HUWE1: variants seen among roughly 807,000 people sequenced by gnomAD.
HUWE1 encodes HECT, UBA and WWE domain containing E3 ubiquitin protein ligase 1.
Under a neutral mutation model 299.4 loss-of-function variants are expected in HUWE1, and 18 were observed. The ratio of observed to expected loss-of-function variants is 0.06; its 90% CI spans 0.04 to 0.09. The LOEUF is 0.09. HUWE1 is among the 10% of genes least tolerant of loss of function. The pLI is 1.00. For synonymous variants in HUWE1, 1,317 were observed against 1,286.1 expected (o/e 1.02, Z -0.51); for missense variants, 1,832 against 3,462.3 (o/e 0.53, Z 11.82).
chrX:53,573,707 G>A, intron 47 of HUWE1, 43 bp downstream of exon 47: 1 of 1,058,483 alleles, frequency 9.4e-7, no homozygotes, highest in Non-Finnish European at 1.3e-6. Flanking sequence ...CCCAAATGAT[G>A]GAAGTACAGT....
intron 83 of HUWE1, 65 bp downstream of exon 83, chrX:53,533,942 T>C: frequency 9.3e-7 from 1 of 1,072,619 alleles, no homozygotes; most frequent in Non-Finnish European, 1.3e-6. Flanking sequence ...GGTAGGGTCC[T>C]GAAAACATCA....
At chrX:53,585,819 T>A (rs1004218404) in intron 39 of HUWE1, among the ~76,000 whole-genome samples, 4 of 111,464 alleles carry the variant, frequency 3.6e-5, no homozygotes, top group Non-Finnish European at 7.5e-5. Flanking sequence ...CCTGAGTAGC[T>A]GGGACCATAG....
intron 46 of HUWE1, among the ~76,000 whole-genome samples, 177 bp downstream of exon 46, chrX:53,574,978 T>C (rs1556957002): frequency 8.9e-6 from 1 of 112,687 alleles, no homozygotes; most frequent in Non-Finnish European, 1.9e-5. Context: ...CCATTAACTT[T>C]AGCATATAGA....
chrX:53,612,694 AAACC>A (rs1233977190), intron 23 of HUWE1, among the ~76,000 whole-genome samples: 2 of 111,766 alleles, frequency 1.8e-5, no homozygotes, highest in Non-Finnish European at 3.8e-5. Context: ...TGGAGGTAAA[AAACC>A]AACCAACCAA....
At chrX:53,590,173 T>C (rs1007974408) in intron 35 of HUWE1, among the ~76,000 whole-genome samples, 1 of 112,222 alleles carries the variant, frequency 8.9e-6, no homozygotes, top group African/African-American at 3.2e-5. Flanking sequence ...TGAGTACACA[T>C]TGGGTCTCTT....
chrX:53,661,313 C>T (rs1167229406), intron 3 of HUWE1, among the ~76,000 whole-genome samples: 2 of 112,181 alleles, frequency 1.8e-5, no homozygotes, highest in East Asian at 2.8e-4. Flanking sequence ...GGATTACAGG[C>T]GTGAGCCACG....
intron 42 of HUWE1, 45 bp downstream of exon 42, chrX:53,583,513 G>A: frequency 3.3e-6 from 3 of 903,924 alleles, no homozygotes; most frequent in Non-Finnish European, 3.3e-6. Flanking sequence ...GAGAACATAG[G>A]TATGATGTAA....
In HUWE1 at chrX:53,645,253, T is replaced by C; in HGVS notation, c.504+58A>G. The C allele has an allele frequency of 2.6e-6, 3 of 1,148,035 alleles. No homozygotes were observed. In the South Asian group the frequency reaches 5.4e-5, roughly 21 times the overall value. 94.6% of individuals were successfully genotyped at this position (1,148,035 alleles called of 1,213,427 possible). On this transcript the variant is annotated intron_variant, in intron 7 of 83. Coordinates refer to ENST00000262854, the MANE Select transcript of HUWE1 (RefSeq NM_031407.7). ...TTTTAACACTCCAAGAAACACCTGT[T>C]GAAAGGAACCATATGCTCCAATTTT...
chrX:53,555,231 T>C (rs1288714296), intron 60 of HUWE1, among the ~76,000 whole-genome samples: 6 of 112,198 alleles, frequency 5.3e-5, no homozygotes, highest in Non-Finnish European at 1.1e-4. Flanking sequence ...TAAATGTCTC[T>C]GACCTATAGG....
At chrX:53,548,458 T>C (rs1556925361) in intron 67 of HUWE1, among the ~76,000 whole-genome samples, 185 bp from the exon 68 acceptor site, 1 of 112,750 alleles carries the variant, frequency 8.9e-6, no homozygotes, top group Non-Finnish European at 1.9e-5. Flanking sequence ...AATGAGGGCT[T>C]TGTAGCAATA....
intron 25 of HUWE1, 60 bp downstream of exon 25, chrX:53,607,463 G>C (rs966474429): frequency 1.5e-5 from 16 of 1,061,442 alleles, no homozygotes; most frequent in Non-Finnish European, 2.1e-5. Context: ...CATATATACA[G>C]AAGTATCGCA....
chrX:53,564,753 CAA>C (rs1556944049), intron 50 of HUWE1, 31 bp from the exon 51 acceptor site: 19 of 1,209,343 alleles, frequency 1.6e-5, no homozygotes, highest in Non-Finnish European at 2.1e-5. Flanking sequence ...GCAAAATAAT[CAA>C]AGAGTGCCTA....
chrX:53,683,533 C>A (rs2070299699), intron 2 of HUWE1, among the ~76,000 whole-genome samples: 1 of 111,367 alleles, frequency 9.0e-6, no homozygotes, highest in African/African-American at 3.3e-5. Context: ...CCAGACTCCC[C>A]TCCCACCCTT....
intron 77 of HUWE1, 147 bp from the exon 78 acceptor site, chrX:53,537,843 T>C: frequency 1.6e-6 from 1 of 609,209 alleles, no homozygotes; most frequent in Non-Finnish European, 2.5e-6. Flanking sequence ...AAATGCCCAG[T>C]AGTTGGGAGA....
At chrX:53,600,920 C>T (rs1219459227) in intron 28 of HUWE1, among the ~76,000 whole-genome samples, 1 of 111,428 alleles carries the variant, frequency 9.0e-6, no homozygotes, top group African/African-American at 3.3e-5. Context: ...GTTAGAGAGG[C>T]AATTCTTTGA....
At position 53,536,791 on chromosome X, in the gene HUWE1, CAG is replaced by C. The variant is rs1202301871; in HGVS notation, c.12138-126_12138-125del. The C allele has an allele frequency of 4.1e-5, 25 of 608,560 alleles. No individual in the cohort carries two copies. In the Admixed American group the frequency reaches 4.6e-4, roughly 11 times the overall value. The allele number at this position is 608,560 out of a possible 1,213,427, so 50.2% of individuals were successfully genotyped here. On this transcript the variant is annotated intron_variant, in intron 78 of 83. Transcript: ENST00000262854. Reference sequence around the variant, plus strand: ...GTGCAGTGTCAGATGAAGAGGTAAACAGAGAGTGCCAGGACAGCCCAGAAATG... The same window carrying C: ...GTGCAGTGTCAGATGAAGAGGTAAACAGAGTGCCAGGACAGCCCAGAAATG...
In HUWE1 at chrX:53,538,368, T is replaced by C. The variant is rs1556915034; in HGVS notation, c.11965A>G (p.Ile3989Val). ...TTGACATCAAAGTCGAGGACACGAA[T>C]GTAGTCTACCAGGACAGCAAAAGGC... ...DGPFAVLVDY[I>V]RVLDFDVKRK... Residue 3989 changes from isoleucine to valine, a missense_variant, in exon 77 of 84, where the codon ATT (isoleucine) becomes GTT (valine). By Grantham distance (29) the Ile-to-Val change is conservative. Coordinates refer to ENST00000262854, the MANE Select transcript of HUWE1 (RefSeq NM_031407.7). The C allele has an allele frequency of 8.3e-7, 1 of 1,207,124 alleles. No individual in the cohort carries two copies. Among genetic ancestry groups the C allele is most frequent in the Admixed American group, 2.2e-5 (1 of 45,986 alleles).
At chrX:53,556,276 G>T in intron 60 of HUWE1, 1 of 347,532 alleles carries the variant, frequency 2.9e-6, no homozygotes. Flanking sequence ...TCTTCTAATT[G>T]GGGCCTAATA....
chrX:53,607,878 A>G (rs1167677926), intron 24 of HUWE1, among the ~76,000 whole-genome samples, 179 bp from the exon 25 acceptor site: 2 of 111,816 alleles, frequency 1.8e-5, no homozygotes, highest in African/African-American at 6.5e-5. Context: ...AGTAAAGAAT[A>G]TCTACAATTT....
Sources: gnomAD v4.1 joint callset for allele counts (sites outside exome capture counted in the v4.1 genomes callset) on GRCh38, gnomAD v4.1.1 for gene constraint, MANE v1.5 for transcripts, NCBI Gene and HGNC (gene_info 2026-07-23, HGNC 2026-07-21) for gene names.